Variants in PTPRD observed in about 807,000 individuals in gnomAD.
The protein encoded by PTPRD is receptor-type tyrosine-protein phosphatase delta.
PTPRD carries 34 observed loss-of-function variants against 214.5 expected under a neutral mutation model. The ratio of observed to expected loss-of-function variants is 0.16; its 90% CI spans 0.12 to 0.21. The LOEUF is 0.21. Among genes scored for constraint, PTPRD ranks in the 10% least tolerant of loss-of-function variants. PTPRD has a pLI of 1.00. For missense variants in PTPRD, 2,545 were observed against 2,398.7 expected (o/e 1.06, Z -1.27); for synonymous variants, 1,128 against 845.7 (o/e 1.33, Z -5.79).
At chr9:10,133,706 G>C (rs1208799575) in intron 3 of PTPRD, among the ~76,000 whole-genome samples, 1 of 152,072 alleles carries the variant, frequency 6.6e-6, no homozygotes, top group East Asian at 1.9e-4. Context: ...TAGTAACAAA[G>C]TTAATTAGTA....
intron 10 of PTPRD, among the ~76,000 whole-genome samples, chr9:9,056,376 T>C (rs1481840503): frequency 3.9e-5 from 6 of 152,194 alleles, no homozygotes; most frequent in South Asian, 2.1e-4. Context: ...GAGATAGTTA[T>C]GCTTGACCTA....
At position 9,125,801 on chromosome 9, in the gene PTPRD, C is replaced by A. The variant is rs1410180166; in HGVS notation, c.-143+57503G>T. ...ACTCCAAGAGAGGGGACATACAACA[C>A]ACAAACAACAAATAAAGAGTATCAT... On this transcript the variant is annotated intron_variant, in intron 10 of 45. Coordinates refer to ENST00000381196, the MANE Select transcript of PTPRD (RefSeq NM_002839.4). Among the ~76,000 whole-genome samples, 36 of 152,158 alleles carry A rather than the reference C, an allele frequency of 2.4e-4. 1 individual carries two copies. Among genetic ancestry groups the A allele is most frequent in the Non-Finnish European group, 2.9e-5 (2 of 68,018 alleles).
At chr9:8,504,179 T>C (rs946190784) in intron 23 of PTPRD, 82 bp downstream of exon 23, 2 of 1,392,792 alleles carry the variant, frequency 1.4e-6, no homozygotes, top group African/African-American at 2.9e-5. Context: ...ATTAGCAGGT[T>C]TGCTTATTGG....
chr9:9,594,009 G>C (rs1027659226), intron 7 of PTPRD, among the ~76,000 whole-genome samples: 3 of 152,044 alleles, frequency 2.0e-5, no homozygotes, highest in Non-Finnish European at 2.9e-5. Context: ...TAGTACAGTG[G>C]TACTTGTATG....
intron 11 of PTPRD, among the ~76,000 whole-genome samples, chr9:8,767,050 C>T (rs2094810963): frequency 6.6e-6 from 1 of 152,050 alleles, no homozygotes; most frequent in Non-Finnish European, 1.5e-5. Context: ...TAGATAATGC[C>T]CCCAAATCAA....
At chr9:9,794,230 C>T (rs112568259) in intron 5 of PTPRD, among the ~76,000 whole-genome samples, 4 of 148,122 alleles carry the variant, frequency 2.7e-5, no homozygotes, top group African/African-American at 5.0e-5. Flanking sequence ...CGTACATATA[C>T]ATATATATAT....
intron 5 of PTPRD, among the ~76,000 whole-genome samples, chr9:9,918,337 T>C: frequency 8.5e-6 from 1 of 117,218 alleles, no homozygotes. Flanking sequence ...TAGGAATAAA[T>C]TTAACCAAAG....
intron 39 of PTPRD, among the ~76,000 whole-genome samples, chr9:8,375,017 A>G (rs1589007616): frequency 6.6e-6 from 1 of 152,026 alleles, no homozygotes; most frequent in Non-Finnish European, 1.5e-5. Context: ...TTTACGATAG[A>G]TGCTTTCTTG....
chr9:10,071,588 C>T lies in PTPRD; in HGVS notation c.-544-37798G>A, dbSNP rs1024637744. 7.9e-5 allele frequency among the ~76,000 whole-genome samples: 12 copies of T among 152,132 alleles called. No individual in the cohort carries two copies. The East Asian group carries it at 1.4e-3, about 17-fold the overall frequency. ...ATGCAAAAAAAGGAAAGAAACTAGA[C>T]ATAGAGCTAATAACTTTTATAACTC... On this transcript the variant is annotated intron_variant, in intron 3 of 45. Coordinates refer to ENST00000381196, the MANE Select transcript of PTPRD (RefSeq NM_002839.4).
intron 3 of PTPRD, among the ~76,000 whole-genome samples, chr9:10,053,118 C>A (rs1452431929): frequency 6.6e-6 from 1 of 151,982 alleles, no homozygotes; most frequent in Non-Finnish European, 1.5e-5. Flanking sequence ...CTGATGTAAG[C>A]AAAATATAGA....
intron 34 of PTPRD, among the ~76,000 whole-genome samples, chr9:8,445,690 G>A (rs112913262): frequency 4.6e-5 from 7 of 151,960 alleles, no homozygotes; most frequent in Admixed American, 2.0e-4. Context: ...CATTTAGGGG[G>A]AGAAAAAAAA....
chr9:8,652,882 T>C (rs1309973645), intron 12 of PTPRD, among the ~76,000 whole-genome samples: 1 of 152,084 alleles, frequency 6.6e-6, no homozygotes, highest in African/African-American at 2.4e-5. Context: ...AGAAAAGGGG[T>C]CTGCAGGTTA....
intron 5 of PTPRD, among the ~76,000 whole-genome samples, chr9:9,886,136 C>T (rs1381827567): frequency 1.3e-5 from 2 of 151,850 alleles, no homozygotes; most frequent in African/African-American, 4.8e-5. Context: ...AGAATGATGC[C>T]CAAGGGATAT....
chr9:8,473,090 T>A (rs1047269485), intron 30 of PTPRD, among the ~76,000 whole-genome samples: 2 of 152,160 alleles, frequency 1.3e-5, no homozygotes, highest in Admixed American at 1.3e-4. Flanking sequence ...TAAGACTGCA[T>A]GAAATTCCGT....
chr9:9,735,470 A>ACTTT (rs1683658928), intron 6 of PTPRD, among the ~76,000 whole-genome samples: 1 of 152,144 alleles, frequency 6.6e-6, no homozygotes, highest in South Asian at 2.1e-4. Flanking sequence ...AAAGGAGTTG[A>ACTTT]CACTATTGTG....
chr9:9,608,554 C>G (rs1376028111), intron 7 of PTPRD, among the ~76,000 whole-genome samples: 3 of 152,188 alleles, frequency 2.0e-5, no homozygotes, highest in Non-Finnish European at 4.4e-5. Context: ...GGCCCCACCT[C>G]TAACCAACTA....
intron 11 of PTPRD, among the ~76,000 whole-genome samples, chr9:8,922,257 G>T (rs1378323770): frequency 6.6e-6 from 1 of 151,968 alleles, no homozygotes; most frequent in African/African-American, 2.4e-5. Flanking sequence ...TTCTGAAATG[G>T]GTGGACCCAA....
chr9:9,327,997 T>C (rs2040702439), intron 9 of PTPRD, among the ~76,000 whole-genome samples: 1 of 151,968 alleles, frequency 6.6e-6, no homozygotes, highest in African/African-American at 2.4e-5. Context: ...CCTGGGCCCA[T>C]ACAGCCCACG....
At chr9:8,769,502 T>C (rs2095034191) in intron 11 of PTPRD, among the ~76,000 whole-genome samples, 1 of 152,202 alleles carries the variant, frequency 6.6e-6, no homozygotes, top group African/African-American at 2.4e-5. Context: ...AAGGCATTTG[T>C]AGTTGTGTGG....
Sources: gnomAD v4.1 joint callset for allele counts (sites outside exome capture counted in the v4.1 genomes callset) on GRCh38, gnomAD v4.1.1 for gene constraint, MANE v1.5 for transcripts, NCBI Gene and HGNC (gene_info 2026-07-23, HGNC 2026-07-21) for gene names.